Variants in FBN1 observed in about 807,000 individuals in gnomAD.
The protein encoded by FBN1 is fibrillin 1, also known as fibrillin-1.
Under a neutral mutation model 365.1 loss-of-function variants are expected in FBN1, and 29 were observed. The ratio of observed to expected loss-of-function variants is 0.08; its 90% CI spans 0.06 to 0.11. The LOEUF is 0.11. FBN1 is among the 10% of genes least tolerant of loss of function. FBN1 has a pLI of 1.00. For missense variants in FBN1, 2,476 were observed against 3,703.2 expected, an observed-to-expected ratio of 0.67 and a Z score of 8.60; for synonymous variants, 1,210 against 1,270.5, an observed-to-expected ratio of 0.95 and a Z score of 1.01.
rs1386565164 is a variant in FBN1 at position 48,596,238 on chromosome 15, T to C, written c.538+45A>G. ...TGTCTGTGCAAATTAGTAACAGCTTTAGGTACCAGCATGTCTTTACGTAAA... is the reference window on the plus strand; with the variant it reads ...TGTCTGTGCAAATTAGTAACAGCTTCAGGTACCAGCATGTCTTTACGTAAA... On this transcript the variant is annotated intron_variant, in intron 6 of 65. Coordinates refer to ENST00000316623, the MANE Select transcript of FBN1 (RefSeq NM_000138.5). 4 of 1,545,302 alleles carry C rather than the reference T, an allele frequency of 2.6e-6. No individual in the cohort carries two copies. The East Asian group carries it at 6.7e-5, about 26-fold the overall frequency.
At chr15:48,642,408 C>T (rs1890213038) in intron 2 of FBN1, 1 of 151,888 alleles carries the variant, frequency 6.6e-6, no homozygotes, top group African/African-American at 2.4e-5. Context: ...TGAGGTAGAT[C>T]CATATGAGTT....
chr15:48,611,598 G>C (rs1279156699), intron 3 of FBN1, among the ~76,000 whole-genome samples: 6 of 152,086 alleles, frequency 3.9e-5, no homozygotes, highest in Admixed American at 2.0e-4. Context: ...ATCCTGTTCT[G>C]AATTCCATCA....
Position 48,468,009 on chromosome 15 carries a change from T to C in FBN1, c.4676A>G (p.Lys1559Arg). 7.4e-6 allele frequency: 12 copies of C among 1,614,158 alleles called. No homozygotes were observed. The highest frequency in any genetic ancestry group is 1.0e-5 in the Non-Finnish European group (12 of 1,180,012). ...ACCCAGAGAACAGCAGCAGGAAGCT[T>C]TGGAAACACCAACTCCAATTTCATT... ...CSNEIGVGVS[K>R]ASCCCSLGKA... The change falls in exon 38 of 66, where the codon AAA becomes AGA. Residue 1559 changes from lysine (K) to arginine (R), a missense_variant. Around this residue, in one of 5 missense-constraint regions of FBN1, gnomAD observed 1,780 missense variants for 2,840.8 expected, o/e 0.63. Transcript: ENST00000316623.
chr15:48,563,876 T>C (rs926694682), intron 6 of FBN1, among the ~76,000 whole-genome samples: 1 of 152,214 alleles, frequency 6.6e-6, no homozygotes, highest in Non-Finnish European at 1.5e-5. Context: ...GCAGATTTTT[T>C]GTGATACATT....
intron 2 of FBN1, among the ~76,000 whole-genome samples, chr15:48,635,474 A>G (rs561753162): frequency 6.6e-6 from 1 of 152,168 alleles, no homozygotes; most frequent in South Asian, 2.1e-4. Context: ...AGCTCATTAC[A>G]ACACCAATTC....
At chr15:48,577,127 C>T (rs919868869) in intron 6 of FBN1, among the ~76,000 whole-genome samples, 10 of 152,192 alleles carry the variant, frequency 6.6e-5, no homozygotes, top group East Asian at 3.9e-4. Context: ...TACTACTACT[C>T]GTTTAGGTCT....
At chr15:48,568,038 A>AAAGG in intron 6 of FBN1, among the ~76,000 whole-genome samples, 1 of 91,688 alleles carries the variant, frequency 1.1e-5, no homozygotes, top group South Asian at 3.1e-4. Flanking sequence ...AGAAAGAAAG[A>AAAGG]AAGAAAGAAA....
rs1265416312 is a variant in FBN1, at chr15:48,412,519, A to G, written c.8226+50T>C. 6 of 1,595,232 alleles carry G rather than the reference A, an allele frequency of 3.8e-6. No homozygotes were observed. In the Admixed American group the frequency reaches 1.0e-4, roughly 27 times the overall value. On this transcript the variant is annotated intron_variant, in intron 65 of 65. Transcript: ENST00000316623. ...CTTGGAGGAAACCACAGGAATCTGG[A>G]AGGGCTTTCCACCACAGGAGACATC...
intron 29 of FBN1, among the ~76,000 whole-genome samples, chr15:48,486,185 GA>G (rs2043505090): frequency 6.6e-6 from 1 of 152,204 alleles, no homozygotes; most frequent in Non-Finnish European, 1.5e-5. Flanking sequence ...TAGGCACGTG[GA>G]TGAAATTCTC....
intron 2 of FBN1, among the ~76,000 whole-genome samples, chr15:48,630,731 CAA>C (rs11393587): frequency 1.8e-5 from 2 of 111,098 alleles, no homozygotes; most frequent in African/African-American, 3.1e-5. Context: ...GACTCCATCT[CAA>C]AAAAAAAAAA....
At chr15:48,453,487 G>A (rs2043217864) in intron 44 of FBN1, among the ~76,000 whole-genome samples, 1 of 152,112 alleles carries the variant, frequency 6.6e-6, no homozygotes, top group African/African-American at 2.4e-5. Context: ...GTTGCCAGGG[G>A]TTAGGGGAGA....
chr15:48,497,146 G>T, intron 19 of FBN1, 120 bp downstream of exon 19: 1 of 1,135,872 alleles, frequency 8.8e-7, no homozygotes, highest in Non-Finnish European at 1.3e-6. Context: ...GCTAACATCC[G>T]AAGTATAAAG....
chr15:48,468,252 AT>A, intron 37 of FBN1, 150 bp from the exon 38 acceptor site: 1 of 1,348,268 alleles, frequency 7.4e-7, no homozygotes, highest in Non-Finnish European at 1.0e-6. Context: ...ACTACCGAGA[AT>A]TTTCCCTATG....
intron 2 of FBN1, among the ~76,000 whole-genome samples, chr15:48,614,907 G>A (rs972197298): frequency 7.2e-5 from 11 of 152,154 alleles, no homozygotes; most frequent in African/African-American, 2.7e-4. Flanking sequence ...AATAAAGGAA[G>A]AAAGATGTTA....
At chr15:48,573,981 G>A (rs1187051370) in intron 6 of FBN1, among the ~76,000 whole-genome samples, 1 of 152,220 alleles carries the variant, frequency 6.6e-6, no homozygotes, top group South Asian at 2.1e-4. Flanking sequence ...TGAGGGTTAG[G>A]CCTCTTTAGC....
At chr15:48,579,967 A>G (rs1244573270) in intron 6 of FBN1, among the ~76,000 whole-genome samples, 8 of 152,166 alleles carry the variant, frequency 5.3e-5, no homozygotes, top group Non-Finnish European at 1.0e-4. Flanking sequence ...GCTACAAAAT[A>G]TGTTTTGAAA....
intron 35 of FBN1, among the ~76,000 whole-genome samples, chr15:48,471,568 A>C (rs1179814784): frequency 6.6e-6 from 1 of 152,216 alleles, no homozygotes; most frequent in Non-Finnish European, 1.5e-5. Flanking sequence ...GGAGTTTTAT[A>C]TCAAACTCTG....
At chr15:48,524,872 T>C (rs2043894945) in intron 9 of FBN1, among the ~76,000 whole-genome samples, 1 of 152,204 alleles carries the variant, frequency 6.6e-6, no homozygotes, top group South Asian at 2.1e-4. Context: ...CCATTCCTCC[T>C]TTGTAAAAAG....
rs569190265 is a variant in FBN1, at chr15:48,408,498, T to A, written c.*2492A>T. ...AGGCCAGCTGAGTTCATTTCAACCC[T>A]ACTTACAAAATAATTATTGGCAAAT... is the stretch of plus-strand genomic sequence containing the variant. On this transcript the variant is annotated 3_prime_UTR_variant, in exon 66 of 66. Transcript: ENST00000316623. The A allele has an allele frequency of 1.3e-5, 2 of 152,768 alleles. No individual in the cohort carries two copies. Among genetic ancestry groups the A allele is most frequent in the South Asian group, 4.1e-4 (2 of 4,828 alleles). 9.5% of individuals were successfully genotyped at this position (152,768 alleles called of 1,614,324 possible). A position where few individuals can be genotyped will look rare whatever the true frequency, so the allele number is the denominator to read the frequency against.
Sources: allele counts gnomAD v4.1 joint callset (sites outside exome capture counted in the v4.1 genomes callset), GRCh38; gene constraint gnomAD v4.1.1; regional missense constraint gnomAD v4.1.1; transcripts MANE v1.5; gene names NCBI Gene and HGNC (gene_info 2026-07-23, HGNC 2026-07-21).